RAD54B: variants seen among roughly 807,000 people sequenced by gnomAD.
The protein encoded by RAD54B is RAD54 homolog B.
A neutral mutation model predicts 95.8 loss-of-function variants in RAD54B; 78 were observed. That is an observed-to-expected ratio of 0.81 (90% CI 0.68 to 0.98). The LOEUF (loss-of-function observed/expected upper bound fraction) is 0.98. Among genes scored for constraint, RAD54B ranks in the 50% least tolerant of loss-of-function variants. RAD54B has a pLI of 0.00. For missense variants in RAD54B, 957 were observed against 1,056.6 expected (o/e 0.91, Z 1.31); for synonymous variants, 328 against 354.9 (o/e 0.92, Z 0.85).
chr8:94,386,246 TG>T (rs1810887531), intron 11 of RAD54B, among the ~76,000 whole-genome samples: 2 of 57,678 alleles, frequency 3.5e-5, no homozygotes, highest in African/African-American at 1.1e-4. Flanking sequence ...ACTGACACTG[TG>T]GGATAAATAA....
intron 8 of RAD54B, among the ~76,000 whole-genome samples, chr8:94,396,381 T>G (rs1811145645): frequency 6.9e-6 from 1 of 144,200 alleles, no homozygotes; most frequent in African/African-American, 2.7e-5. Flanking sequence ...CTCCACCCTA[T>G]CCCTACAAAA....
In RAD54B at chr8:94,458,384, C is replaced by T. The variant is rs1390862990; in HGVS notation, c.188G>A (p.Cys63Tyr). Reference protein sequence around the residue: ...FLPSQNDLRICSLNLPSEEST... With the variant: ...FLPSQNDLRIYSLNLPSEEST... ...TTCTTCACTAGGCAGATTTAAACTG[C>T]ATATTCTAAGATCATTTTGTGACGG... The change falls in exon 3 of 15, where the codon TGC (cysteine) becomes TAC (tyrosine). Residue 63 changes from cysteine (C) to tyrosine (Y), a missense_variant. Physicochemically the swap from Cys to Tyr is radical, Grantham distance 194. Transcript: ENST00000336148. 1 of 1,604,116 alleles carries T rather than the reference C, an allele frequency of 6.2e-7. No homozygotes were observed. Among genetic ancestry groups the T allele is most frequent in the Admixed American group, 1.7e-5 (1 of 58,342 alleles).
rs971453620 is a variant in RAD54B, at chr8:94,413,277, G to T, written c.305-1962C>A. ...CAAAGCAATTTTTGAAAAGAACAAA[G>T]TTGGATGTTTACAATAATGCTGCGA... On this transcript the variant is annotated intron_variant, in intron 3 of 14. Coordinates refer to ENST00000336148, the MANE Select transcript of RAD54B (RefSeq NM_012415.3). Among the ~76,000 whole-genome samples the T allele has an allele frequency of 2.6e-5, 4 of 152,308 alleles. No homozygotes were observed. The East Asian group carries it at 7.7e-4, about 29-fold the overall frequency.
rs1353923062 is a variant in RAD54B at position 94,380,257 on chromosome 8, G to T, written c.2135C>A (p.Ser712Tyr). 1.9e-6 allele frequency: 3 copies of T among 1,613,866 alleles called. No homozygotes were observed. Among genetic ancestry groups the T allele is most frequent in the Non-Finnish European group, 2.5e-6 (3 of 1,179,982 alleles). ...IVDGFNSQHS[S>Y]FFIFLLSSKA... ...TGAACTTAACAAAAAAATAAAAAAA[G>T]AAGAGTGTTGACTGTTAAAGCCATC... The change falls in exon 12 of 15, where the codon TCT becomes TAT. Residue 712 changes from serine to tyrosine, a missense_variant. By Grantham distance (144) the Ser-to-Tyr change is moderately radical. Coordinates refer to ENST00000336148, the MANE Select transcript of RAD54B (RefSeq NM_012415.3).
chr8:94,451,828 G>A (rs77245648), intron 3 of RAD54B, among the ~76,000 whole-genome samples: 1,895 of 151,740 alleles, frequency 0.012, 44 homozygotes, highest in African/African-American at 0.044. Context: ...TAAAAGACAC[G>A]ATGACTAAAT....
At chr8:94,444,500 T>C (rs1317935292) in intron 3 of RAD54B, among the ~76,000 whole-genome samples, 1 of 151,768 alleles carries the variant, frequency 6.6e-6, no homozygotes, top group Non-Finnish European at 1.5e-5. Flanking sequence ...AAGGTGGATC[T>C]ACGTGTTCTA....
At position 94,475,075 on chromosome 8, in the gene RAD54B, A is replaced by T. The variant is rs1478225714; in HGVS notation, c.-91T>A. The T allele has an allele frequency of 6.6e-6, 1 of 152,600 alleles. No individual in the cohort carries two copies. Among genetic ancestry groups the T allele is most frequent in the Admixed American group, 6.5e-5 (1 of 15,286 alleles). 9.5% of individuals were successfully genotyped at this position (152,600 alleles called of 1,614,324 possible). ...TAACCAGCTATCCCCTCGCCGCCGG[A>T]GAAGCTCAAGGATCCCGCCTCGGCG... On this transcript the variant is annotated 5_prime_UTR_variant, in exon 1 of 15. Transcript: ENST00000336148.
chr8:94,396,253 A>G (rs1435484536), intron 8 of RAD54B, among the ~76,000 whole-genome samples: 1 of 146,506 alleles, frequency 6.8e-6, no homozygotes, highest in African/African-American at 2.6e-5. Flanking sequence ...TAAAACCTGT[A>G]GAAGAAAAAA....
At chr8:94,378,761 A>G (rs1810662874) in intron 12 of RAD54B, 127 bp from the exon 13 acceptor site, 1 of 650,476 alleles carries the variant, frequency 1.5e-6, no homozygotes, top group Non-Finnish European at 2.6e-6. Context: ...CAGAAAACAA[A>G]TCTCAGGTGT....
Position 94,431,371 on chromosome 8 carries a change from G to C in RAD54B, c.305-20056C>G. 2 of 984,430 alleles carry C rather than the reference G, an allele frequency of 2.0e-6. 1 individual carries two copies. Among genetic ancestry groups the C allele is most frequent in the South Asian group, 9.4e-5 (2 of 21,240 alleles). 61.0% of individuals were successfully genotyped at this position (984,430 alleles called of 1,614,324 possible). ...CTGGAACAAAAATAGAGAGAGAATG[G>C]GGGTAATTGATGTAATTATCCTGAT... On this transcript the variant is annotated intron_variant, in intron 3 of 14. Coordinates refer to ENST00000336148, the MANE Select transcript of RAD54B (RefSeq NM_012415.3).
intron 4 of RAD54B, 144 bp downstream of exon 4, chr8:94,410,977 T>A: frequency 1.7e-6 from 1 of 583,974 alleles, no homozygotes; most frequent in Non-Finnish European, 2.9e-6. Context: ...GATTATTTTA[T>A]GTATTATACA....
chr8:94,399,437 C>T lies in RAD54B; in HGVS notation c.1355G>A (p.Cys452Tyr), dbSNP rs1446907916. The change falls in exon 8 of 15, where the codon TGT becomes TAT. Residue 452 changes from cysteine (C) to tyrosine (Y), a missense_variant. Coordinates refer to ENST00000336148, the MANE Select transcript of RAD54B (RefSeq NM_012415.3). ...ACCAGTTAGAATTATTCTTTTCTCA[C>T]AAGAAAGGCTAATGAGGGCTGTAGT... ...KTTTALISLSCEKRIILTGTP... is the reference protein window; with the variant it reads ...KTTTALISLSYEKRIILTGTP... 6.2e-7 allele frequency: 1 copy of T among 1,613,296 alleles called. No homozygotes were observed. Among genetic ancestry groups the T allele is most frequent in the East Asian group, 2.2e-5 (1 of 44,860 alleles).
chr8:94,467,343 C>A, intron 2 of RAD54B, 62 bp downstream of exon 2: 1 of 1,366,518 alleles, frequency 7.3e-7, no homozygotes. Context: ...CTTTAAATGG[C>A]ATTTTCTTAA....
intron 3 of RAD54B, among the ~76,000 whole-genome samples, chr8:94,434,046 T>C (rs1014621423): frequency 6.6e-6 from 1 of 151,870 alleles, no homozygotes; most frequent in Non-Finnish European, 1.5e-5. Context: ...TGTTCTTGTC[T>C]CTGTTTGTGT....
At chr8:94,444,450 T>C (rs1461450740) in intron 3 of RAD54B, among the ~76,000 whole-genome samples, 4 of 150,768 alleles carry the variant, frequency 2.7e-5, no homozygotes, top group Non-Finnish European at 4.4e-5. Context: ...AACTATGATG[T>C]ATTCATACCA....
At chr8:94,420,153 AATGC>A (rs1341253215) in intron 3 of RAD54B, among the ~76,000 whole-genome samples, 1 of 152,110 alleles carries the variant, frequency 6.6e-6, no homozygotes, top group Non-Finnish European at 1.5e-5. Flanking sequence ...ATCACCTAGC[AATGC>A]ATTTCTCAGA....
At chr8:94,399,391 T>C in intron 8 of RAD54B, 23 bp downstream of exon 8, 3 of 1,601,230 alleles carry the variant, frequency 1.9e-6, no homozygotes, top group Non-Finnish European at 2.6e-6. Context: ...TTCCAAAATA[T>C]CTTCCCCAAA....
intron 3 of RAD54B, chr8:94,430,166 A>C: frequency 1.6e-6 from 1 of 618,698 alleles, no homozygotes; most frequent in Non-Finnish European, 2.0e-6. Context: ...ACAAAAAATT[A>C]GCCAGGCATG....
chr8:94,433,231 C>T (rs3136420), intron 3 of RAD54B, among the ~76,000 whole-genome samples: 1 of 152,036 alleles, frequency 6.6e-6, no homozygotes, highest in African/African-American at 2.4e-5. Context: ...GGAGGTTATC[C>T]TAACTTTCTT....
Sources: allele counts gnomAD v4.1 joint callset (sites outside exome capture counted in the v4.1 genomes callset), GRCh38; gene constraint gnomAD v4.1.1; transcripts MANE v1.5; gene names NCBI Gene and HGNC (gene_info 2026-07-23, HGNC 2026-07-21).